The following MTARC1 variants were observed in gnomAD, a reference collection of about 807,000 sequenced individuals.
MTARC1 encodes the protein mitochondrial amidoxime-reducing component 1.
MTARC1 carries 24 observed loss-of-function variants against 33.6 expected under a neutral mutation model. The ratio of observed to expected loss-of-function variants is 0.72; its 90% CI spans 0.52 to 1.01. The LOEUF is 1.01. Ranked by LOEUF, MTARC1 falls within the 50% of genes least tolerant of loss-of-function variation. The pLI is 0.00. For synonymous variants in MTARC1, 187 were observed against 189.5 expected, an observed-to-expected ratio of 0.99 and a Z score of 0.11; for missense variants, 417 against 445.7, an observed-to-expected ratio of 0.94 and a Z score of 0.58.
chr1:220,811,041 A>G (rs67191475), intron 6 of MTARC1, among the ~76,000 whole-genome samples: 1,642 of 152,286 alleles, frequency 0.011, 39 homozygotes, highest in African/African-American at 0.037. Context: ...CCAACTCTCA[A>G]TTTCTCCCCA....
chr1:220,810,987 G>T (rs1201135560), intron 6 of MTARC1, among the ~76,000 whole-genome samples: 1 of 152,180 alleles, frequency 6.6e-6, no homozygotes, highest in Non-Finnish European at 1.5e-5. Context: ...AAGAGAACAT[G>T]TGTAAAGTTC....
chr1:220,790,398 T>A (rs1013976795), intron 1 of MTARC1, among the ~76,000 whole-genome samples: 1 of 151,906 alleles, frequency 6.6e-6, no homozygotes, highest in African/African-American at 2.4e-5. Context: ...AATGAGGGGG[T>A]CATAAAGTTA....
intron 2 of MTARC1, chr1:220,794,221 G>A (rs776851959): frequency 6.6e-6 from 1 of 151,956 alleles, no homozygotes; most frequent in African/African-American, 2.4e-5. Flanking sequence ...TTGAGACTGA[G>A]AGGGTGCCTT....
intron 2 of MTARC1, 122 bp from the exon 3 acceptor site, chr1:220,796,521 T>G: frequency 8.3e-7 from 1 of 1,210,312 alleles, no homozygotes; most frequent in Non-Finnish European, 1.1e-6. Flanking sequence ...TTACATCTTC[T>G]GATAATTAAG....
intron 6 of MTARC1, among the ~76,000 whole-genome samples, chr1:220,812,559 G>A (rs903819456): frequency 6.6e-6 from 1 of 152,232 alleles, no homozygotes; most frequent in Non-Finnish European, 1.5e-5. Context: ...TTGGAACTCG[G>A]CAGCTGCGGA....
chr1:220,799,231 C>T, intron 4 of MTARC1: 1 of 950,046 alleles, frequency 1.1e-6, no homozygotes, highest in Non-Finnish European at 1.3e-6. Flanking sequence ...TCCAAACTTC[C>T]AAGGGTAGCG....
chr1:220,791,788 A>G, intron 2 of MTARC1, 124 bp downstream of exon 2: 1 of 1,037,206 alleles, frequency 9.6e-7, no homozygotes, highest in Non-Finnish European at 1.4e-6. Flanking sequence ...CATGTGTACC[A>G]TATACAGAAT....
intron 2 of MTARC1, among the ~76,000 whole-genome samples, chr1:220,792,474 C>T (rs1330922397): frequency 1.3e-5 from 2 of 152,020 alleles, no homozygotes; most frequent in Non-Finnish European, 2.9e-5. Flanking sequence ...AGCATCACCT[C>T]AAAAAATGTA....
chr1:220,791,063 A>G lies in MTARC1; in HGVS notation c.276-428A>G, dbSNP rs1874118. On this transcript the variant is annotated intron_variant, in intron 1 of 6. Transcript: ENST00000366910. ...GAACAATATAAGCAACAGTCCTGCT[A>G]TTTCCACTGACAAGAGCCCGTTGCC... is the stretch of plus-strand genomic sequence containing the variant. The G allele has an allele frequency of 9.2e-3, 1,556 of 168,508 alleles. 15 individuals are homozygous for G. Among genetic ancestry groups the G allele is most frequent in the East Asian group, 0.058 (371 of 6,432 alleles). 10.4% of individuals were successfully genotyped at this position (168,508 alleles called of 1,614,324 possible). A position where few individuals can be genotyped will look rare whatever the true frequency, so the allele number is the denominator to read the frequency against.
intron 2 of MTARC1, chr1:220,793,914 C>G (rs12039273): frequency 0.011 from 1,604 of 152,224 alleles, 20 homozygotes; most frequent in East Asian, 0.06. Context: ...GTGGCAGGAG[C>G]AGGAAGAAGG....
intron 3 of MTARC1, among the ~76,000 whole-genome samples, chr1:220,797,203 C>G (rs923060894): frequency 4.6e-5 from 7 of 152,104 alleles, no homozygotes; most frequent in Admixed American, 4.6e-4. Flanking sequence ...CTCAAATGAT[C>G]AGCCTTAATG....
intron 4 of MTARC1, among the ~76,000 whole-genome samples, chr1:220,800,716 G>A (rs192235662): frequency 2.0e-5 from 3 of 152,146 alleles, no homozygotes; most frequent in East Asian, 3.9e-4. Context: ...CCAACGTCAG[G>A]ATGTCTGAAA....
intron 6 of MTARC1, among the ~76,000 whole-genome samples, chr1:220,809,502 A>AATT (rs959688948): frequency 5.9e-5 from 9 of 151,900 alleles, no homozygotes; most frequent in African/African-American, 2.2e-4. Flanking sequence ...AATTTAATTT[A>AATT]ATTTAATTTA....
intron 4 of MTARC1, among the ~76,000 whole-genome samples, chr1:220,800,654 C>A (rs1188571492): frequency 1.3e-5 from 2 of 151,702 alleles, no homozygotes; most frequent in Admixed American, 1.3e-4. Context: ...TAACTATATC[C>A]TTCTGCCAGA....
chr1:220,798,523 G>T (rs185200669), intron 4 of MTARC1: 4 of 985,316 alleles, frequency 4.1e-6, no homozygotes, highest in African/African-American at 1.7e-5. Context: ...AGATGTTTGC[G>T]TGGTGACTTA....
At chr1:220,802,131 C>T (rs1473691586) in intron 4 of MTARC1, among the ~76,000 whole-genome samples, 1 of 152,152 alleles carries the variant, frequency 6.6e-6, no homozygotes, top group Non-Finnish European at 1.5e-5. Context: ...GGCCTTGACC[C>T]TTTTCTCTCC....
At chr1:220,799,350 AT>A (rs1342612197) in intron 4 of MTARC1, among the ~76,000 whole-genome samples, 2 of 152,054 alleles carry the variant, frequency 1.3e-5, no homozygotes, top group East Asian at 1.9e-4. Context: ...GTGACAAGAA[AT>A]TTCTGCCTGT....
intron 2 of MTARC1, among the ~76,000 whole-genome samples, chr1:220,792,514 A>G (rs1053855074): frequency 4.6e-5 from 7 of 152,222 alleles, no homozygotes; most frequent in Non-Finnish European, 1.0e-4. Context: ...AAGACCCAGA[A>G]AAGTTCACAA....
chr1:220,796,813 G>C lies in MTARC1; in HGVS notation c.612+8G>C. 6.3e-7 allele frequency: 1 copy of C among 1,597,902 alleles called. No homozygotes were observed. The highest frequency in any genetic ancestry group is 8.5e-7 in the Non-Finnish European group (1 of 1,172,428). ...TTCCGACCCAAGGACCAGGTGAGAG[G>C]TTCTGCTGCCTCCATGGGTAGAAAG... On this transcript the variant is annotated splice_region_variant and intron_variant, in intron 3 of 6. Coordinates refer to ENST00000366910, the MANE Select transcript of MTARC1 (RefSeq NM_022746.4).
Sources: allele counts gnomAD v4.1 joint callset (sites outside exome capture counted in the v4.1 genomes callset), GRCh38; gene constraint gnomAD v4.1.1; transcripts MANE v1.5; gene names NCBI Gene and HGNC (gene_info 2026-07-23, HGNC 2026-07-21).